Variants in GLS observed in about 807,000 individuals in gnomAD.
GLS encodes glutaminase.
Under a neutral mutation model 86.7 loss-of-function variants are expected in GLS, and 36 were observed. The ratio of observed to expected loss-of-function variants is 0.42; its 90% confidence interval spans 0.32 to 0.55. The LOEUF (loss-of-function observed/expected upper bound fraction) is 0.55. Ranked by LOEUF, GLS falls within the 20% of genes least tolerant of loss-of-function variation. The probability of loss-of-function intolerance (pLI) is 0.17; values close to 1 mark genes in which losing one functional copy is unlikely to be tolerated. For synonymous variants in GLS, 317 were observed against 305.9 expected, an observed-to-expected ratio of 1.04 and a Z score of -0.38; for missense variants, 528 against 833.4, an observed-to-expected ratio of 0.63 and a Z score of 4.51.
At chr2:190,961,544 T>C (rs1033964076) in intron 17 of GLS, among the ~76,000 whole-genome samples, 2 of 152,192 alleles carry the variant, frequency 1.3e-5, no homozygotes, top group Non-Finnish European at 2.9e-5. Context: ...CACAGAAGAA[T>C]TGTAAAAAAG....
At chr2:190,900,093 ATATGT>A (rs554962675) in intron 3 of GLS, among the ~76,000 whole-genome samples, 16 of 152,314 alleles carry the variant, frequency 1.1e-4, no homozygotes, top group Non-Finnish European at 2.2e-4. Flanking sequence ...ATTAAGGAAA[ATATGT>A]TATAATGCAA....
chr2:190,953,547 ACTTT>A lies in GLS; in HGVS notation c.1651-13_1651-10del, dbSNP rs1690775020. 1 of 1,584,588 alleles carries A rather than the reference ACTTT, an allele frequency of 6.3e-7. No individual in the cohort carries two copies. Among genetic ancestry groups the A allele is most frequent in the African/African-American group, 1.3e-5 (1 of 74,310 alleles). Reference sequence around the variant, plus strand: ...TTTTCTCTCTCCTAAGGATGCCTAAACTTTCTTTTCTTCACAGGTAAAGTCAGTG... The same window carrying A: ...TTTTCTCTCTCCTAAGGATGCCTAAACTTTTCTTCACAGGTAAAGTCAGTG... On this transcript the variant is annotated splice_polypyrimidine_tract_variant and intron_variant, in intron 14 of 17. Transcript: ENST00000320717. This position sits in a 1 kb window ranked among gnomAD's most constrained non-coding sequence, Gnocchi z 4.0.
chr2:190,941,281 T>C (rs1690420116), intron 14 of GLS, among the ~76,000 whole-genome samples: 1 of 152,218 alleles, frequency 6.6e-6, no homozygotes, highest in African/African-American at 2.4e-5. Flanking sequence ...ATCTAATTCA[T>C]TTTAAATGTT....
intron 14 of GLS, among the ~76,000 whole-genome samples, chr2:190,939,202 C>T (rs1690357558): frequency 6.6e-6 from 1 of 151,670 alleles, no homozygotes; most frequent in Non-Finnish European, 1.5e-5. Context: ...TTTATTTACT[C>T]TGTCTATAGT....
chr2:190,889,866 G>A (rs1688506138), intron 1 of GLS, among the ~76,000 whole-genome samples: 2 of 152,194 alleles, frequency 1.3e-5, no homozygotes, highest in Non-Finnish European at 2.9e-5. Context: ...CAAAACAGCA[G>A]CACTAATTGA....
At chr2:190,882,392 A>G (rs920051076) in intron 1 of GLS, among the ~76,000 whole-genome samples, 1 of 152,194 alleles carries the variant, frequency 6.6e-6, no homozygotes, top group Non-Finnish European at 1.5e-5. Flanking sequence ...AGTCTCCTAT[A>G]TATTTTTGTC....
intron 5 of GLS, among the ~76,000 whole-genome samples, chr2:190,904,178 G>A (rs536689924): frequency 1.7e-3 from 262 of 151,650 alleles, no homozygotes; most frequent in African/African-American, 6.2e-3. Context: ...ATTGTGAGTG[G>A]ATGTGGCTTG....
At position 190,964,150 on chromosome 2, in the gene GLS, T is replaced by G. The variant is rs1310746456; in HGVS notation, c.*1164T>G. ...TAATAATAAGAAAAAGGCCATTTCA[T>G]TTTAAATTGTGACCTATAATTCTTT... On this transcript the variant is annotated 3_prime_UTR_variant, in exon 18 of 18. Coordinates refer to ENST00000320717, the MANE Select transcript of GLS (RefSeq NM_014905.5). This position sits in a 1 kb window ranked among gnomAD's most constrained non-coding sequence, Gnocchi z 5.2. The G allele has an allele frequency of 1.3e-5, 2 of 152,158 alleles. No individual in the cohort carries two copies. Among genetic ancestry groups the G allele is most frequent in the Non-Finnish European group, 2.9e-5 (2 of 68,036 alleles). The allele number at this position is 152,158 out of a possible 1,614,324, so 9.4% of individuals were successfully genotyped here.
chr2:190,958,964 T>G (rs554432144), intron 17 of GLS, among the ~76,000 whole-genome samples: 2 of 152,342 alleles, frequency 1.3e-5, no homozygotes, highest in African/African-American at 4.8e-5. Context: ...GTTCAAGTCC[T>G]GAATATCCTT....
In GLS at chr2:190,949,678, C is replaced by T. The variant is rs1320180653; in HGVS notation, c.1651-3887C>T. 2.0e-5 allele frequency among the ~76,000 whole-genome samples: 3 copies of T among 151,870 alleles called. No homozygotes were observed. Among genetic ancestry groups the T allele is most frequent in the African/African-American group, 4.8e-5 (2 of 41,336 alleles). ...CTGCACTCCAGCCTGGGTGACAGAG[C>T]GAGACCTTGTCTCAAAAAAAATAAA... On this transcript the variant is annotated intron_variant, in intron 14 of 17. Coordinates refer to ENST00000320717, the MANE Select transcript of GLS (RefSeq NM_014905.5). This position sits in a 1 kb window ranked among gnomAD's most constrained non-coding sequence, Gnocchi z 4.0.
chr2:190,927,669 A>G (rs1026613423), intron 12 of GLS, 187 bp downstream of exon 12: 3 of 487,228 alleles, frequency 6.2e-6, no homozygotes, highest in South Asian at 5.7e-5. Context: ...GTTCTTAAGA[A>G]CTTGGAAGTT....
intron 1 of GLS, among the ~76,000 whole-genome samples, chr2:190,890,911 C>T (rs761863580): frequency 1.1e-4 from 16 of 152,000 alleles, no homozygotes; most frequent in African/African-American, 1.5e-4. Context: ...AGACTTGACC[C>T]CAGCCTTGAA....
chr2:190,927,332 A>G lies in GLS; in HGVS notation c.1275A>G (p.Glu425=), dbSNP rs745739664. ...TGTGCTCCATTGAAGTGACTTGTGA[A>G]TCAGCCAGTGTGATGGCTGCGACAC... The part of the protein sequence containing the change: ...FQLCSIEVTC[E]SASVMAATLA... Residue 425 remains glutamate, a synonymous_variant, in exon 12 of 18, where the codon GAA becomes GAG. Transcript: ENST00000320717. 6.2e-7 allele frequency: 1 copy of G among 1,612,710 alleles called. No individual in the cohort carries two copies. The highest frequency in any genetic ancestry group is 8.5e-7 in the Non-Finnish European group (1 of 1,179,520).
In GLS at chr2:190,895,231, GT is replaced by G; in HGVS notation, c.468del (p.His157IlefsTer19). On this transcript the variant is annotated frameshift_variant, in exon 2 of 18. Transcript: ENST00000320717. LOFTEE classifies it high-confidence loss of function. This position sits in a 1 kb window ranked among gnomAD's most constrained non-coding sequence, Gnocchi z 4.2. ...TGCTGAAGGACAAGAGAAAATACCT[GT>G]TCATAAATTTATTACAGTAAGTTTT... ...TIAEGQEKIP[V>X]HKFITALKST... 1.4e-6 allele frequency: 2 copies of G among 1,423,070 alleles called. No homozygotes were observed. Among genetic ancestry groups the G allele is most frequent in the Non-Finnish European group, 2.0e-6 (2 of 1,012,862 alleles). The allele number at this position is 1,423,070 out of a possible 1,614,324, so 88.2% of individuals were successfully genotyped here.
intron 3 of GLS, 136 bp from the exon 4 acceptor site, chr2:190,900,428 A>G (rs1574572340): frequency 4.3e-6 from 2 of 465,312 alleles, no homozygotes; most frequent in East Asian, 6.8e-5. Context: ...TGTAGAAAGC[A>G]TAATTTATAG....
At chr2:190,896,770 G>A (rs753661373) in intron 3 of GLS, among the ~76,000 whole-genome samples, 9 of 152,154 alleles carry the variant, frequency 5.9e-5, no homozygotes, top group Non-Finnish European at 1.3e-4. Flanking sequence ...GGTCCGTGTT[G>A]CAGTTGGTAT....
intron 14 of GLS, chr2:190,932,979 T>C: frequency 2.4e-6 from 3 of 1,236,792 alleles, no homozygotes; most frequent in Middle Eastern, 6.3e-4. Flanking sequence ...TCTTGGGTGC[T>C]GGAGCCATAA....
intron 7 of GLS, among the ~76,000 whole-genome samples, chr2:190,916,893 G>A (rs1364771566): frequency 2.0e-5 from 3 of 152,156 alleles, no homozygotes; most frequent in African/African-American, 7.2e-5. Context: ...TATTTTATAG[G>A]TAAGAAATGC....
At chr2:190,896,779 A>G (rs1688757239) in intron 3 of GLS, among the ~76,000 whole-genome samples, 2 of 152,164 alleles carry the variant, frequency 1.3e-5, no homozygotes, top group Non-Finnish European at 2.9e-5. Flanking sequence ...TGCAGTTGGT[A>G]TTAGGAATTT....
Sources: allele counts gnomAD v4.1 joint callset (sites outside exome capture counted in the v4.1 genomes callset), GRCh38; gene constraint gnomAD v4.1.1; non-coding constraint Gnocchi (gnomAD v3.1); transcripts MANE v1.5; gene names NCBI Gene and HGNC (gene_info 2026-07-23, HGNC 2026-07-21).